The following OTOG variants were observed in gnomAD, a reference collection of about 807,000 sequenced individuals.
The protein encoded by OTOG is otogelin.
A neutral mutation model predicts 313.8 loss-of-function variants in OTOG; 296 were observed. That is an observed-to-expected ratio of 0.94 (90% CI 0.86 to 1.04). The LOEUF (loss-of-function observed/expected upper bound fraction) is 1.04, where lower values mean the gene tolerates loss of function less well. Among genes scored for constraint, OTOG ranks in the 50% least tolerant of loss-of-function variants. The probability of loss-of-function intolerance (pLI) is 0.00; values close to 1 mark genes in which losing one functional copy is unlikely to be tolerated. For missense variants in OTOG, 3,948 were observed against 3,840.1 expected, an observed-to-expected ratio of 1.03 and a Z score of -0.74; for synonymous variants, 1,533 against 1,554.9, an observed-to-expected ratio of 0.99 and a Z score of 0.33.
At position 17,641,386 on chromosome 11, in the gene OTOG, G is replaced by A. The variant is rs561688074; in HGVS notation, c.8190+295G>A. ...CACATTCCCTGTCCCTTTGGTTTGC[G>A]TGCTTGTGTTGCTACTATTTGGTGA... On this transcript the variant is annotated intron_variant, in intron 51 of 55. Transcript: ENST00000399397. 6.4e-4 allele frequency among the ~76,000 whole-genome samples: 97 copies of A among 152,316 alleles called. 2 individuals are homozygous for A. The highest frequency in any genetic ancestry group is 3.4e-3 in the Middle Eastern group (1 of 294).
Position 17,596,909 on chromosome 11 carries a change from G to T in OTOG, c.3584G>T (p.Gly1195Val). The change falls in exon 30 of 56, where the codon GGT (glycine) becomes GTT (valine). Residue 1195 changes from glycine (G) to valine (V), a missense_variant. Gly to Val is a moderately radical substitution (Grantham distance 109). Coordinates refer to ENST00000399397, the MANE Select transcript of OTOG (RefSeq NM_001292063.2). ...CLTDTCGCSQ[G>V]GDCECFCASV... ...ACAGACACATGTGGCTGCAGCCAGG[G>T]TGGTGACTGTGAGTGCTTCTGTGCC... is the stretch of plus-strand genomic sequence containing the variant. The T allele has an allele frequency of 6.4e-7, 1 of 1,550,984 alleles. No individual in the cohort carries two copies. Among genetic ancestry groups the T allele is most frequent in the Non-Finnish European group, 8.7e-7 (1 of 1,147,072 alleles).
chr11:17,626,231 A>G (rs1346549587), intron 39 of OTOG, among the ~76,000 whole-genome samples: 1 of 152,180 alleles, frequency 6.6e-6, no homozygotes, highest in Admixed American at 6.5e-5. Context: ...GCTGGAGTGC[A>G]GTGGCACGAT....
chr11:17,594,716 G>A (rs1565108607), intron 28 of OTOG, among the ~76,000 whole-genome samples: 1 of 152,214 alleles, frequency 6.6e-6, no homozygotes, highest in Non-Finnish European at 1.5e-5. Flanking sequence ...GCCAATCTGT[G>A]AGCTGTGGGG....
intron 46 of OTOG, 126 bp from the exon 47 acceptor site, chr11:17,635,484 G>C: frequency 1.4e-6 from 1 of 726,078 alleles, no homozygotes; most frequent in Middle Eastern, 2.4e-4. Context: ...GAGACCATGC[G>C]ATGCTGCCAT....
At chr11:17,605,086 T>C (rs866214259) in intron 32 of OTOG, among the ~76,000 whole-genome samples, 4 of 152,236 alleles carry the variant, frequency 2.6e-5, no homozygotes, top group Admixed American at 6.5e-5. Context: ...ATGAATGCGC[T>C]TGCCCACATC....
intron 24 of OTOG, 36 bp downstream of exon 24, chr11:17,586,617 CT>C: frequency 8.4e-7 from 1 of 1,196,974 alleles, no homozygotes; most frequent in South Asian, 2.2e-5. Flanking sequence ...TGCTTTTTTG[CT>C]GGGAGGGGGC....
intron 23 of OTOG, among the ~76,000 whole-genome samples, chr11:17,584,076 C>T (rs142141524): frequency 4.6e-5 from 7 of 152,152 alleles, no homozygotes; most frequent in South Asian, 2.1e-4. Flanking sequence ...ATGTTATAAA[C>T]GGTATTATTT....
At chr11:17,637,578 GC>G (rs1193173894) in intron 47 of OTOG, among the ~76,000 whole-genome samples, 1 of 152,112 alleles carries the variant, frequency 6.6e-6, no homozygotes, top group South Asian at 2.1e-4. Context: ...AAAATTTGGG[GC>G]TAGACAGTGC....
rs1343654256 is a variant in OTOG at position 17,558,610 on chromosome 11, C to A, written c.1069C>A (p.Pro357Thr). 6.5e-7 allele frequency: 1 copy of A among 1,550,320 alleles called. No individual in the cohort carries two copies. The highest frequency in any genetic ancestry group is 1.4e-5 in the African/African-American group (1 of 73,176). Residue 357 changes from proline to threonine, a missense_variant, in exon 10 of 56, where the codon CCC becomes ACC. Physicochemically the swap from Pro to Thr is conservative, Grantham distance 38 (BLOSUM62 -1). Coordinates refer to ENST00000399397, the MANE Select transcript of OTOG (RefSeq NM_001292063.2). ...DACHAYVSPL[P>T]FTASCTSDLC... ...CTGCCACGCCTACGTCAGCCCTCTG[C>A]CCTTCACAGCCAGTTGTACCAGTGA...
At chr11:17,570,845 GA>G (rs1852389019) in intron 17 of OTOG, among the ~76,000 whole-genome samples, 1 of 152,174 alleles carries the variant, frequency 6.6e-6, no homozygotes, top group Admixed American at 6.5e-5. Flanking sequence ...AGTGAGCCAA[GA>G]ACACTAACAT....
chr11:17,641,264 G>C (rs1847966637), intron 51 of OTOG, among the ~76,000 whole-genome samples, 173 bp downstream of exon 51: 1 of 152,196 alleles, frequency 6.6e-6, no homozygotes, highest in Non-Finnish European at 1.5e-5. Flanking sequence ...GGTTGGGAGA[G>C]GCCAGAAGGG....
intron 15 of OTOG, among the ~76,000 whole-genome samples, chr11:17,564,471 G>T (rs1229638818): frequency 6.6e-6 from 1 of 152,170 alleles, no homozygotes; most frequent in Non-Finnish European, 1.5e-5. Context: ...CACTCCAAGG[G>T]TTGATTAGAT....
intron 22 of OTOG, among the ~76,000 whole-genome samples, chr11:17,577,978 C>A (rs1481480632): frequency 2.0e-5 from 3 of 152,144 alleles, no homozygotes; most frequent in African/African-American, 7.2e-5. Flanking sequence ...AGCCCTGCTC[C>A]TGGTCCCTCT....
chr11:17,633,236 T>C (rs1854174797), intron 42 of OTOG, among the ~76,000 whole-genome samples: 1 of 152,226 alleles, frequency 6.6e-6, no homozygotes, highest in African/African-American at 2.4e-5. Flanking sequence ...TAGGCCACAA[T>C]GTAAAATCTA....
At chr11:17,609,267 C>G in intron 35 of OTOG, 58 bp downstream of exon 35, 1 of 1,463,682 alleles carries the variant, frequency 6.8e-7, no homozygotes, top group Non-Finnish European at 9.4e-7. Context: ...CCTAGGGTCT[C>G]ACTGAGCAGT....
intron 49 of OTOG, among the ~76,000 whole-genome samples, chr11:17,640,387 C>T (rs1847944234): frequency 6.6e-6 from 1 of 152,192 alleles, no homozygotes; most frequent in South Asian, 2.1e-4. Context: ...GTCGTGTTTA[C>T]AGTCCTTTTC....
chr11:17,636,910 G>A (rs1854280721), intron 47 of OTOG, among the ~76,000 whole-genome samples: 1 of 151,894 alleles, frequency 6.6e-6, no homozygotes, highest in South Asian at 2.1e-4. Flanking sequence ...TGCCTTGAGG[G>A]GCTGTTGTGG....
In OTOG at chr11:17,547,448, C is replaced by G. The variant is rs947155842; in HGVS notation, c.76C>G (p.Leu26Val). 3 of 1,381,890 alleles carry G rather than the reference C, an allele frequency of 2.2e-6. No individual in the cohort carries two copies. The African/African-American group carries it at 4.5e-5, about 21-fold the overall frequency. 85.6% of individuals were successfully genotyped at this position (1,381,890 alleles called of 1,614,324 possible). The change falls in exon 1 of 56, where the codon CTG becomes GTG. Residue 26 changes from leucine (L) to valine (V), a missense_variant. By Grantham distance (32) the Leu-to-Val change is conservative (BLOSUM62 1). Coordinates refer to ENST00000399397, the MANE Select transcript of OTOG (RefSeq NM_001292063.2). The part of the protein sequence containing the change: ...LPWGEQAAES[L>V]RVQRLAAAPV... ...CTGGGGTGAGCAGGCAGCCGAGTCC[C>G]TGCGGGTGCAGCGCCTCGGTGAGAG...
chr11:17,593,909 G>T lies in OTOG; in HGVS notation c.3289-138G>T. ...TCTGGGCCCCTTCTCCTCTGACATT[G>T]CTCCATCCCTCTTCAAACTGTGACC... On this transcript the variant is annotated intron_variant, in intron 27 of 55. Coordinates refer to ENST00000399397, the MANE Select transcript of OTOG (RefSeq NM_001292063.2). 3.6e-6 allele frequency: 5 copies of T among 1,396,748 alleles called. No homozygotes were observed. The South Asian group carries it at 5.6e-5, about 16-fold the overall frequency. The allele number at this position is 1,396,748 out of a possible 1,614,324, so 86.5% of individuals were successfully genotyped here. A position where few individuals can be genotyped will look rare whatever the true frequency, so the allele number is the denominator to read the frequency against.
Sources: gnomAD v4.1 joint callset for allele counts (sites outside exome capture counted in the v4.1 genomes callset) on GRCh38, gnomAD v4.1.1 for gene constraint, MANE v1.5 for transcripts, NCBI Gene and HGNC (gene_info 2026-07-23, HGNC 2026-07-21) for gene names.